The following ASMTL variants were observed in gnomAD, a reference collection of about 807,000 sequenced individuals.
ASMTL encodes the protein acetylserotonin O-methyltransferase like, also known as probable bifunctional dTTP/UTP pyrophosphatase/methyltransferase protein.
In ASMTL, 57 loss-of-function variants were observed where a neutral mutation model predicts 60.3. The ratio of observed to expected loss-of-function variants is 0.95; its 90% CI spans 0.76 to 1.18. The LOEUF (loss-of-function observed/expected upper bound fraction) is 1.18. Ranked by LOEUF, ASMTL falls within the 50% of genes most tolerant of loss-of-function variation. The pLI is 0.00. For missense variants in ASMTL, 981 were observed against 852.6 expected, an observed-to-expected ratio of 1.15 and a Z score of -1.88; for synonymous variants, 419 against 373.0, an observed-to-expected ratio of 1.12 and a Z score of -1.42.
chrX:1,422,674 T>C (rs1459487101), intron 8 of ASMTL, among the ~76,000 whole-genome samples: 3 of 152,078 alleles, frequency 2.0e-5, no homozygotes, highest in African/African-American at 7.2e-5. Context: ...GGTCCTCCTA[T>C]GTAAGAAACA....
At chrX:1,426,144 A>G (rs1311339913) in intron 7 of ASMTL, among the ~76,000 whole-genome samples, 2 of 151,990 alleles carry the variant, frequency 1.3e-5, no homozygotes, top group Admixed American at 1.3e-4. Context: ...CCCTGTGAGG[A>G]CACAGGGAGA....
In ASMTL at chrX:1,439,454, C is replaced by T. The variant is rs1256189391; in HGVS notation, c.226-310G>A. On this transcript the variant is annotated intron_variant, in intron 2 of 12. Coordinates refer to ENST00000381317, the MANE Select transcript of ASMTL (RefSeq NM_004192.4). ...CCTGTTCCGTAAGCTTTTGTTCTTC[C>T]GGGCGGCAGGTAAGGTTTGATTCAG... Among the ~76,000 whole-genome samples, 60 of 152,286 alleles carry T rather than the reference C, an allele frequency of 3.9e-4. 1 individual carries two copies. The highest frequency in any genetic ancestry group is 1.1e-3 in the Admixed American group (17 of 15,300).
chrX:1,433,431 C>A (rs1407346655), intron 5 of ASMTL, among the ~76,000 whole-genome samples: 2 of 146,392 alleles, frequency 1.4e-5, no homozygotes, highest in South Asian at 2.1e-4. Context: ...TTTGGGAGGC[C>A]GAGGCGGGCG....
intron 9 of ASMTL, among the ~76,000 whole-genome samples, chrX:1,419,579 C>T (rs748133861): frequency 1.6e-4 from 24 of 151,880 alleles, no homozygotes; most frequent in African/African-American, 1.5e-4. Context: ...GAAGCTCCTC[C>T]GAGCTTCTCC....
intron 12 of ASMTL, among the ~76,000 whole-genome samples, chrX:1,410,972 G>T (rs1268835269): frequency 1.3e-5 from 2 of 151,856 alleles, no homozygotes; most frequent in Non-Finnish European, 2.9e-5. Flanking sequence ...GATCACCCGA[G>T]GTTGGGAGTT....
At chrX:1,407,572 C>G (rs1490668422) in intron 12 of ASMTL, among the ~76,000 whole-genome samples, 3 of 151,910 alleles carry the variant, frequency 2.0e-5, no homozygotes, top group African/African-American at 7.3e-5. Context: ...AAATGATAGA[C>G]AGATGACAGG....
intron 5 of ASMTL, among the ~76,000 whole-genome samples, chrX:1,433,139 C>G (rs1247492767): frequency 2.0e-5 from 3 of 151,952 alleles, no homozygotes; most frequent in Non-Finnish European, 2.9e-5. Context: ...TGGTCTGTGC[C>G]TCAGGGTCCG....
At chrX:1,425,892 T>A (rs528345404) in intron 7 of ASMTL, among the ~76,000 whole-genome samples, 1 of 152,126 alleles carries the variant, frequency 6.6e-6, no homozygotes, top group South Asian at 2.1e-4. Context: ...CATCAACGAA[T>A]ATCATGCAGA....
Position 1,417,991 on chromosome X carries a change from G to C in ASMTL, c.1504C>G (p.Gln502Glu), listed in dbSNP as rs372399612. 2 of 1,612,488 alleles carry C rather than the reference G, an allele frequency of 1.2e-6. No individual in the cohort carries two copies. Among genetic ancestry groups the C allele is most frequent in the African/African-American group, 1.3e-5 (1 of 75,026 alleles). Reference sequence around the variant, plus strand: ...GGCTCACCTGCTGCGAAGTGGATCTGCACTGCCTGCGGTCCGGGGGGTTGG... The same window carrying C: ...GGCTCACCTGCTGCGAAGTGGATCTCCACTGCCTGCGGTCCGGGGGGTTGG... Reference protein sequence around the residue: ...HFQPPGPQAVQIHFAAGDFFR... With the variant: ...HFQPPGPQAVEIHFAAGDFFR... Residue 502 changes from glutamine to glutamate, a missense_variant, in exon 11 of 13, where the codon CAG becomes GAG. Coordinates refer to ENST00000381317, the MANE Select transcript of ASMTL (RefSeq NM_004192.4).
At chrX:1,415,553 C>A (rs1277997280) in intron 11 of ASMTL, among the ~76,000 whole-genome samples, 31 of 151,836 alleles carry the variant, frequency 2.0e-4, no homozygotes, top group Non-Finnish European at 3.8e-4. Context: ...GCAACCTCCG[C>A]CTCCCAGGTT....
Position 1,418,055 on chromosome X carries a change from C to T in ASMTL, c.1440G>A (p.Val480=), listed in dbSNP as rs750700284. The change falls in exon 11 of 13, where the codon GTG becomes GTA. Residue 480 remains valine (V), a synonymous_variant. Transcript: ENST00000381317. Reference sequence around the variant, plus strand: ...GCTCGATAATGTCTGGGAGGTCAAACACAGTCACCTGCATACGAGGGTACT... The same window carrying T: ...GCTCGATAATGTCTGGGAGGTCAAATACAGTCACCTGCATACGAGGGTACT... ...AREYPRMQVT[V]FDLPDIIELA... The T allele has an allele frequency of 1.9e-6, 3 of 1,613,448 alleles. No individual in the cohort carries two copies. Among genetic ancestry groups the T allele is most frequent in the African/African-American group, 2.7e-5 (2 of 74,902 alleles).
chrX:1,437,358 G>T (rs1326991805), intron 3 of ASMTL, among the ~76,000 whole-genome samples: 1 of 150,360 alleles, frequency 6.7e-6, no homozygotes, highest in South Asian at 2.1e-4. Context: ...TATAGACTGG[G>T]TGGCTTATAA....
At chrX:1,406,364 G>A (rs1169457047) in intron 12 of ASMTL, among the ~76,000 whole-genome samples, 2 of 151,422 alleles carry the variant, frequency 1.3e-5, no homozygotes, top group East Asian at 1.9e-4. Flanking sequence ...ATGGATAGGT[G>A]AATAGATGGT....
intron 5 of ASMTL, among the ~76,000 whole-genome samples, chrX:1,432,908 G>T (rs373680791): frequency 7.2e-5 from 11 of 152,364 alleles, no homozygotes; most frequent in Middle Eastern, 3.4e-3. Flanking sequence ...GACCAGCCTG[G>T]CCAACATGGC....
chrX:1,426,862 G>C (rs1285555482), intron 7 of ASMTL, among the ~76,000 whole-genome samples: 1 of 151,952 alleles, frequency 6.6e-6, no homozygotes, highest in African/African-American at 2.4e-5. Context: ...AGATCTTTCA[G>C]GAGGACCACA....
chrX:1,421,813 A>G lies in ASMTL; in HGVS notation c.1090T>C (p.Tyr364His), dbSNP rs35466875. ...GYSNTETANV[Y>H]LASDGEYSLH... ...GAGTATTCGCCATCCGATGCCAGGT[A>G]GACGTTCGCTGTCTCTGTGTTACTG... The change falls in exon 9 of 13, where the codon TAC (tyrosine) becomes CAC (histidine). Residue 364 changes from tyrosine to histidine, a missense_variant. By Grantham distance (83) the Tyr-to-His change is moderately conservative (BLOSUM62 2). Transcript: ENST00000381317. 0.14 allele frequency: 227,885 copies of G among 1,613,546 alleles called. 17,493 individuals carry two copies. The highest frequency in any genetic ancestry group is 0.17 in the Middle Eastern group (1,014 of 6,056).
At chrX:1,426,234 C>T (rs1309963367) in intron 7 of ASMTL, among the ~76,000 whole-genome samples, 1 of 152,086 alleles carries the variant, frequency 6.6e-6, no homozygotes, top group Non-Finnish European at 1.5e-5. Context: ...CCTCCAGCCT[C>T]CAGGACTGTG....
At chrX:1,431,940 C>G (rs1433403181) in intron 6 of ASMTL, 2 of 340,154 alleles carry the variant, frequency 5.9e-6, no homozygotes, top group Non-Finnish European at 5.4e-6. Flanking sequence ...TTAATTGCAG[C>G]CAGCGTCCTG....
At chrX:1,435,304 G>T in intron 4 of ASMTL, 1 of 635,098 alleles carries the variant, frequency 1.6e-6, no homozygotes, top group Non-Finnish European at 2.8e-6. Context: ...CTGACGGGAG[G>T]CGCCAGGCCA....
Sources: gnomAD v4.1 joint callset for allele counts (sites outside exome capture counted in the v4.1 genomes callset) on GRCh38, gnomAD v4.1.1 for gene constraint, MANE v1.5 for transcripts, NCBI Gene and HGNC (gene_info 2026-07-23, HGNC 2026-07-21) for gene names.